Variants in SHTN1 observed in about 807,000 individuals in gnomAD.
SHTN1 encodes shootin-1.
Under a neutral mutation model 83.1 loss-of-function variants are expected in SHTN1, and 42 were observed. The observed-to-expected ratio is 0.51, with a 90% CI of 0.39 to 0.65. SHTN1 has a LOEUF of 0.65. Ranked by LOEUF, SHTN1 falls within the 30% of genes least tolerant of loss-of-function variation. The probability of loss-of-function intolerance (pLI) is 0.00; values close to 1 mark genes in which losing one functional copy is unlikely to be tolerated. For missense variants in SHTN1, 622 were observed against 737.8 expected (o/e 0.84, Z 1.82); for synonymous variants, 224 against 247.7 (o/e 0.90, Z 0.90).
chr10:117,107,668 C>G (rs1158472971), intron 1 of SHTN1, among the ~76,000 whole-genome samples: 2 of 152,102 alleles, frequency 1.3e-5, no homozygotes, highest in Non-Finnish European at 2.9e-5. Flanking sequence ...GTGACAGAGG[C>G]CAAACTCTAA....
At chr10:117,014,452 T>C (rs1225802948) in intron 2 of SHTN1, among the ~76,000 whole-genome samples, 2 of 152,194 alleles carry the variant, frequency 1.3e-5, no homozygotes, top group African/African-American at 4.8e-5. Context: ...AACTGTACTT[T>C]GACTGGACAC....
In SHTN1 at chr10:116,948,999, TA is replaced by T; in HGVS notation, c.535-3del. 1.9e-6 allele frequency: 3 copies of T among 1,548,690 alleles called. No individual in the cohort carries two copies. Among genetic ancestry groups the T allele is most frequent in the South Asian group, 1.3e-5 (1 of 78,624 alleles). On this transcript the variant is annotated splice_region_variant and splice_polypyrimidine_tract_variant and intron_variant, in intron 6 of 16. Coordinates refer to ENST00000355371, the MANE Select transcript of SHTN1 (RefSeq NM_001127211.3). ...CTTTTCTTGTTTAACTTTATTTACCTAAAAATGTGAAATTTTGAGGGGAGAA... is the reference window on the plus strand; with the variant it reads ...CTTTTCTTGTTTAACTTTATTTACCTAAAATGTGAAATTTTGAGGGGAGAA...
At chr10:117,112,701 A>C (rs1478947343) in intron 1 of SHTN1, among the ~76,000 whole-genome samples, 1 of 152,196 alleles carries the variant, frequency 6.6e-6, no homozygotes, top group Non-Finnish European at 1.5e-5. Context: ...ACGTATTTCC[A>C]CTGTGTCTGG....
intron 1 of SHTN1, among the ~76,000 whole-genome samples, chr10:117,003,023 G>A (rs983875270): frequency 6.6e-6 from 1 of 152,052 alleles, no homozygotes; most frequent in Admixed American, 6.6e-5. Flanking sequence ...AATGTGTTCC[G>A]AAATCAAATA....
chr10:116,900,021 A>G (rs1248714597), intron 16 of SHTN1, among the ~76,000 whole-genome samples: 1 of 152,242 alleles, frequency 6.6e-6, no homozygotes, highest in Non-Finnish European at 1.5e-5. Context: ...GAAGTGTGCC[A>G]GTCTGGGTAA....
intron 2 of SHTN1, among the ~76,000 whole-genome samples, chr10:116,968,973 C>T (rs764753213): frequency 6.6e-6 from 1 of 152,078 alleles, no homozygotes; most frequent in Non-Finnish European, 1.5e-5. Flanking sequence ...AGTAATAGCC[C>T]GATTTAACAT....
At chr10:117,092,292 G>T (rs756195345) in intron 1 of SHTN1, among the ~76,000 whole-genome samples, 1 of 152,156 alleles carries the variant, frequency 6.6e-6, no homozygotes, top group Non-Finnish European at 1.5e-5. Context: ...CCTCTCACAG[G>T]CAAGCAAACT....
chr10:117,022,816 G>A (rs1431625459), intron 2 of SHTN1, among the ~76,000 whole-genome samples: 2 of 152,176 alleles, frequency 1.3e-5, no homozygotes, highest in Non-Finnish European at 2.9e-5. Context: ...CGCTACTTGG[G>A]AGGCTGAGGC....
At chr10:117,113,166 G>A (rs1407863800) in intron 1 of SHTN1, among the ~76,000 whole-genome samples, 1 of 152,286 alleles carries the variant, frequency 6.6e-6, no homozygotes, top group East Asian at 1.9e-4. Flanking sequence ...AGTAAGAGGA[G>A]CCATTCTTTG....
At chr10:116,998,229 A>T (rs7903949) in intron 1 of SHTN1, among the ~76,000 whole-genome samples, 136,991 of 152,288 alleles carry the variant, frequency 0.9, 63,305 homozygotes, top group Non-Finnish European at 1. Context: ...TATTACTTCA[A>T]ATTTTGAATT....
intron 1 of SHTN1, among the ~76,000 whole-genome samples, chr10:117,100,003 C>A (rs1035682095): frequency 1.3e-5 from 2 of 151,720 alleles, no homozygotes; most frequent in African/African-American, 4.8e-5. Context: ...CATGGAGAAA[C>A]CCCGTCTCTA....
At chr10:117,082,415 T>C (rs1853284307) in intron 1 of SHTN1, among the ~76,000 whole-genome samples, 2 of 149,682 alleles carry the variant, frequency 1.3e-5, no homozygotes, top group Non-Finnish European at 3.0e-5. Flanking sequence ...TTGTTATAAT[T>C]TCTGTTCTTT....
intron 3 of SHTN1, among the ~76,000 whole-genome samples, chr10:116,960,493 T>C (rs932517292): frequency 1.3e-5 from 2 of 152,186 alleles, no homozygotes; most frequent in Non-Finnish European, 2.9e-5. Flanking sequence ...GCTATTTAGA[T>C]TTTTTTACAA....
chr10:117,058,982 G>C (rs1852863681), intron 1 of SHTN1, among the ~76,000 whole-genome samples: 1 of 152,142 alleles, frequency 6.6e-6, no homozygotes, highest in Non-Finnish European at 1.5e-5. Flanking sequence ...GATGAAAGGA[G>C]GAGGAAATGG....
intron 1 of SHTN1, among the ~76,000 whole-genome samples, chr10:117,050,932 C>G (rs939684209): frequency 6.6e-6 from 1 of 152,034 alleles, no homozygotes; most frequent in Admixed American, 6.6e-5. Flanking sequence ...GTGGCACCTG[C>G]CTGTAGTCCT....
chr10:116,907,446 T>C (rs1848015311), intron 14 of SHTN1, among the ~76,000 whole-genome samples: 1 of 152,114 alleles, frequency 6.6e-6, no homozygotes, highest in Non-Finnish European at 1.5e-5. Flanking sequence ...ATGCTATAAA[T>C]CTGTACTCCT....
At chr10:117,028,029 G>A (rs763062191) in intron 2 of SHTN1, among the ~76,000 whole-genome samples, 5 of 152,156 alleles carry the variant, frequency 3.3e-5, no homozygotes, top group Non-Finnish European at 7.3e-5. Flanking sequence ...TAGTGGTATT[G>A]ACAGTGAAAT....
intron 1 of SHTN1, among the ~76,000 whole-genome samples, chr10:117,059,835 G>A (rs1480832348): frequency 3.3e-5 from 5 of 152,072 alleles, no homozygotes; most frequent in Non-Finnish European, 7.4e-5. Context: ...GAGGGAAACT[G>A]GCTAAAGGAT....
At chr10:116,921,616 C>A in intron 11 of SHTN1, 100 bp from the exon 12 acceptor site, 1 of 747,934 alleles carries the variant, frequency 1.3e-6, no homozygotes, top group South Asian at 1.9e-5. Context: ...GAATATATAA[C>A]TAGAATCTAA....
Sources: gnomAD v4.1 joint callset for allele counts (sites outside exome capture counted in the v4.1 genomes callset) on GRCh38, gnomAD v4.1.1 for gene constraint, MANE v1.5 for transcripts, NCBI Gene and HGNC (gene_info 2026-07-23, HGNC 2026-07-21) for gene names.